Variants in SEMA3D observed in about 807,000 individuals in gnomAD.
The protein encoded by SEMA3D is semaphorin-3D.
Under a neutral mutation model 100.1 loss-of-function variants are expected in SEMA3D, and 84 were observed. The ratio of observed to expected loss-of-function variants is 0.84; its 90% CI spans 0.70 to 1.01. SEMA3D has a LOEUF of 1.01. Ranked by LOEUF, SEMA3D falls within the 50% of genes least tolerant of loss-of-function variation. The probability of loss-of-function intolerance (pLI) is 0.00; values close to 1 mark genes in which losing one functional copy is unlikely to be tolerated. For synonymous variants in SEMA3D, 312 were observed against 320.7 expected, an observed-to-expected ratio of 0.97 and a Z score of 0.29; for missense variants, 875 against 934.1, an observed-to-expected ratio of 0.94 and a Z score of 0.82.
chr7:85,101,208 A>AT (rs1384006014), intron 3 of SEMA3D, among the ~76,000 whole-genome samples: 3 of 152,038 alleles, frequency 2.0e-5, no homozygotes, highest in African/African-American at 7.2e-5. Flanking sequence ...CTTCCATGCA[A>AT]TTTCCCTTAT....
intron 9 of SEMA3D, among the ~76,000 whole-genome samples, chr7:85,047,945 A>T (rs1270175701): frequency 1.3e-5 from 2 of 151,820 alleles, no homozygotes; most frequent in East Asian, 1.9e-4. Context: ...TGTGTGCCCC[A>T]CTCCCTGTTC....
At chr7:85,089,414 C>T (rs984067636) in intron 4 of SEMA3D, among the ~76,000 whole-genome samples, 6 of 151,542 alleles carry the variant, frequency 4.0e-5, no homozygotes, top group African/African-American at 1.5e-4. Context: ...AGGAACACCA[C>T]ACATTTTTTA....
chr7:85,058,208 T>C (rs1791376112), intron 8 of SEMA3D, among the ~76,000 whole-genome samples: 1 of 152,134 alleles, frequency 6.6e-6, no homozygotes, highest in Admixed American at 6.5e-5. Context: ...TTTGGTATGG[T>C]TTTTCAAAAA....
At chr7:85,123,103 T>G (rs1295323274) in intron 2 of SEMA3D, among the ~76,000 whole-genome samples, 2 of 152,110 alleles carry the variant, frequency 1.3e-5, no homozygotes, top group Non-Finnish European at 2.9e-5. Context: ...AGTTAAATAG[T>G]TCTTCCAGGG....
At chr7:85,092,593 A>C (rs2116289779) in intron 4 of SEMA3D, among the ~76,000 whole-genome samples, 1 of 152,164 alleles carries the variant, frequency 6.6e-6, no homozygotes, top group Non-Finnish European at 1.5e-5. Flanking sequence ...ATGATGCTTA[A>C]GTCATATTTA....
At chr7:85,036,398 A>G (rs1234942431) in intron 12 of SEMA3D, among the ~76,000 whole-genome samples, 1 of 152,178 alleles carries the variant, frequency 6.6e-6, no homozygotes, top group Non-Finnish European at 1.5e-5. Flanking sequence ...TTTCCCATTT[A>G]AAAAGTGCAT....
intron 2 of SEMA3D, among the ~76,000 whole-genome samples, chr7:85,138,628 A>T (rs977695065): frequency 7.1e-6 from 1 of 140,918 alleles, no homozygotes; most frequent in Non-Finnish European, 1.5e-5. Context: ...TTTATAATAT[A>T]TAAATTAAAT....
At chr7:85,060,146 T>C (rs1404125546) in intron 8 of SEMA3D, among the ~76,000 whole-genome samples, 3 of 152,234 alleles carry the variant, frequency 2.0e-5, no homozygotes, top group African/African-American at 4.8e-5. Flanking sequence ...ATATTGGCTC[T>C]CTTGCAAGTA....
chr7:85,183,679 A>G (rs763579455), intron 1 of SEMA3D, among the ~76,000 whole-genome samples: 36 of 152,234 alleles, frequency 2.4e-4, no homozygotes, highest in Non-Finnish European at 4.7e-4. Context: ...GTGAAAGGCA[A>G]AAGAAAGCCA....
chr7:85,145,953 C>T (rs1473341923), intron 2 of SEMA3D, among the ~76,000 whole-genome samples: 1 of 152,042 alleles, frequency 6.6e-6, no homozygotes, highest in Non-Finnish European at 1.5e-5. Context: ...AATTTCATTC[C>T]CTTGGATTCA....
rs143352645 is a variant in SEMA3D, at chr7:85,109,786, T to A, written c.152-11821A>T. 4.6e-3 allele frequency among the ~76,000 whole-genome samples: 693 copies of A among 152,092 alleles called. 2 individuals carry two copies. The highest frequency in any genetic ancestry group is 8.0e-3 in the Admixed American group (122 of 15,266). ...TACGGAAAAATCTCACTGTGAAAAT[T>A]CCTTTAATAAGGCTCAAGAAATTAG... On this transcript the variant is annotated intron_variant, in intron 3 of 18. Transcript: ENST00000284136.
At chr7:85,039,293 T>C (rs536094957) in intron 11 of SEMA3D, among the ~76,000 whole-genome samples, 1 of 152,242 alleles carries the variant, frequency 6.6e-6, no homozygotes, top group African/African-American at 2.4e-5. Flanking sequence ...TGAGACAGAG[T>C]TTTGCTCTTG....
At chr7:85,030,743 A>G (rs1177560638) in intron 12 of SEMA3D, among the ~76,000 whole-genome samples, 1 of 152,074 alleles carries the variant, frequency 6.6e-6, no homozygotes, top group South Asian at 2.1e-4. Context: ...TCAGTTATAA[A>G]AAACCAACTA....
chr7:85,173,557 A>C (rs1044760470), intron 1 of SEMA3D, among the ~76,000 whole-genome samples: 2 of 152,172 alleles, frequency 1.3e-5, no homozygotes, highest in African/African-American at 4.8e-5. Flanking sequence ...CTTTGAATGA[A>C]ATGGATGAAA....
chr7:85,235,716 C>G, the SEMA3D span, among the ~76,000 whole-genome samples: 2 of 151,970 alleles, frequency 1.3e-5, no homozygotes, highest in South Asian at 2.1e-4. Context: ...AAGGAATTAT[C>G]CTAGAATAAT....
chr7:85,196,756 G>T, the SEMA3D span, among the ~76,000 whole-genome samples: 1 of 152,060 alleles, frequency 6.6e-6, no homozygotes, highest in Non-Finnish European at 1.5e-5. Flanking sequence ...CTTTTGTAGT[G>T]ATCAAGGAAA....
the SEMA3D span, among the ~76,000 whole-genome samples, chr7:85,247,895 G>A: frequency 2.0e-5 from 3 of 152,022 alleles, no homozygotes; most frequent in East Asian, 3.9e-4. Context: ...TTACCTCAAA[G>A]TGCATTATAG....
At chr7:85,064,975 G>A (rs1791575222) in intron 8 of SEMA3D, among the ~76,000 whole-genome samples, 2 of 152,040 alleles carry the variant, frequency 1.3e-5, no homozygotes, top group Admixed American at 1.3e-4. Context: ...TCTAACCCGA[G>A]TTCATTGGGC....
intron 4 of SEMA3D, among the ~76,000 whole-genome samples, chr7:85,092,968 T>C (rs1370619087): frequency 6.6e-6 from 1 of 152,078 alleles, no homozygotes; most frequent in Non-Finnish European, 1.5e-5. Flanking sequence ...AAACAAATAC[T>C]TTCCAAGGCT....
Sources: gnomAD v4.1 joint callset for allele counts (sites outside exome capture counted in the v4.1 genomes callset) on GRCh38, gnomAD v4.1.1 for gene constraint, MANE v1.5 for transcripts, NCBI Gene and HGNC (gene_info 2026-07-23, HGNC 2026-07-21) for gene names.